TMEM70: variants seen among roughly 807,000 people sequenced by gnomAD.
TMEM70 encodes transmembrane protein 70, mitochondrial.
Under a neutral mutation model 20.5 loss-of-function variants are expected in TMEM70, and 15 were observed. The observed-to-expected ratio is 0.73, with a 90% CI of 0.49 to 1.13. The LOEUF is 1.13. TMEM70 is among the 50% of genes most tolerant of loss of function. TMEM70 has a pLI of 0.00. For missense variants in TMEM70, 344 were observed against 331.7 expected (o/e 1.04, Z -0.29); for synonymous variants, 141 against 134.2 (o/e 1.05, Z -0.35).
chr8:73,976,668 G>A (rs2131231443), intron 1 of TMEM70, among the ~76,000 whole-genome samples, 177 bp downstream of exon 1: 1 of 152,256 alleles, frequency 6.6e-6, no homozygotes, highest in East Asian at 1.9e-4. Flanking sequence ...GGGGTCCTCA[G>A]CCTCCGCGAG....
chr8:73,977,218 G>A (rs149995212), intron 1 of TMEM70, among the ~76,000 whole-genome samples: 1 of 152,082 alleles, frequency 6.6e-6, no homozygotes, highest in African/African-American at 2.4e-5. Context: ...GTCTCGCTCT[G>A]TCACCCTGGT....
chr8:73,978,977 A>C, intron 2 of TMEM70, 116 bp downstream of exon 2: 1 of 1,320,250 alleles, frequency 7.6e-7, no homozygotes, highest in South Asian at 1.3e-5. Flanking sequence ...ACGTAAGGAA[A>C]ATTAGATTTT....
chr8:73,978,196 T>C (rs7010599), intron 1 of TMEM70, among the ~76,000 whole-genome samples: 35,487 of 151,484 alleles, frequency 0.23, 4,978 homozygotes, highest in African/African-American at 0.37. Context: ...AAGCGATTCT[T>C]CTGCCTCAGC....
chr8:73,976,998 T>G lies in TMEM70; in HGVS notation c.210+507T>G, dbSNP rs546869346. On this transcript the variant is annotated intron_variant, in intron 1 of 2. Transcript: ENST00000312184. ...ATTCTACTCTGTAAAATATCAGGAT[T>G]GGCAAACCTGGTTAAAACTTGGAAG... Among the ~76,000 whole-genome samples the G allele has an allele frequency of 7.9e-5, 12 of 152,352 alleles. 1 individual carries two copies. Among genetic ancestry groups the G allele is most frequent in the African/African-American group, 2.9e-4 (12 of 41,584 alleles).
intron 1 of TMEM70, among the ~76,000 whole-genome samples, chr8:73,977,214 C>T (rs1445972720): frequency 6.6e-6 from 1 of 152,078 alleles, no homozygotes; most frequent in Non-Finnish European, 1.5e-5. Flanking sequence ...TGAAGTCTCG[C>T]TCTGTCACCC....
Position 73,981,696 on chromosome 8 carries a change from C to T in TMEM70, c.*75C>T, listed in dbSNP as rs184496091. On this transcript the variant is annotated 3_prime_UTR_variant, in exon 3 of 3. Transcript: ENST00000312184. ...AATAATAAAATTGCCTTTTGCATTC[C>T]GTTAGTGACTGATTGTTAAAAATAA... is the stretch of plus-strand genomic sequence containing the variant. 2.0e-5 allele frequency: 19 copies of T among 949,290 alleles called. No homozygotes were observed. Among genetic ancestry groups the T allele is most frequent in the Middle Eastern group, 6.0e-4 (2 of 3,344 alleles). 58.8% of individuals were successfully genotyped at this position (949,290 alleles called of 1,614,324 possible). A position where few individuals can be genotyped will look rare whatever the true frequency, so the allele number is the denominator to read the frequency against.
rs35564486 is a variant in TMEM70 at position 73,981,522 on chromosome 8, C to G, written c.684C>G (p.Asn228Lys). ...SLLVNPVLFP[N>K]REDYIHLMGY... ...TAGTTAATCCAGTGCTCTTTCCAAA[C>G]CGTGAAGACTATATCCATCTAATGG... The change falls in exon 3 of 3, where the codon AAC becomes AAG. Residue 228 changes from asparagine (N) to lysine (K), a missense_variant. Physicochemically the swap from Asn to Lys is moderately conservative, Grantham distance 94. Coordinates refer to ENST00000312184, the MANE Select transcript of TMEM70 (RefSeq NM_017866.6). The G allele has an allele frequency of 1.1e-3, 1,698 of 1,613,790 alleles. 10 individuals carry two copies. The African/African-American group carries it at 0.016, about 15-fold the overall frequency.
Position 73,979,069 on chromosome 8 carries a change from T to A in TMEM70, c.316+208T>A, listed in dbSNP as rs1307872420. ...TTTTATTTGAGACAGAGTCTCACTCTGTTGTCCAGGCTGGAGTGCAGTGGC... is the reference window on the plus strand; with the variant it reads ...TTTTATTTGAGACAGAGTCTCACTCAGTTGTCCAGGCTGGAGTGCAGTGGC... On this transcript the variant is annotated intron_variant, in intron 2 of 2. Coordinates refer to ENST00000312184, the MANE Select transcript of TMEM70 (RefSeq NM_017866.6). The A allele has an allele frequency of 4.4e-6, 3 of 680,314 alleles. No individual in the cohort carries two copies. In the East Asian group the frequency reaches 9.2e-5, roughly 21 times the overall value. The allele number at this position is 680,314 out of a possible 1,614,324, so 42.1% of individuals were successfully genotyped here.
rs765584326 is a variant in TMEM70, at chr8:73,982,366, A to T, written c.*745A>T. 5.6e-6 allele frequency: 4 copies of T among 720,246 alleles called. No individual in the cohort carries two copies. Among genetic ancestry groups the T allele is most frequent in the African/African-American group, 1.7e-5 (1 of 58,408 alleles). The allele number at this position is 720,246 out of a possible 1,614,324, so 44.6% of individuals were successfully genotyped here. A position where few individuals can be genotyped will look rare whatever the true frequency, so the allele number is the denominator to read the frequency against. ...AGGCATGGGATCGTTTCCAGATGAG[A>T]ATCCACAAGCGACTCATTGACTTGC... On this transcript the variant is annotated 3_prime_UTR_variant, in exon 3 of 3. Coordinates refer to ENST00000312184, the MANE Select transcript of TMEM70 (RefSeq NM_017866.6).
intron 1 of TMEM70, among the ~76,000 whole-genome samples, chr8:73,978,241 A>G (rs1047394939): frequency 6.6e-6 from 1 of 151,446 alleles, no homozygotes; most frequent in Non-Finnish European, 1.5e-5. Context: ...GCCAGACACC[A>G]TGCCCGGCTA....
chr8:73,978,352 G>A (rs1815704466), intron 1 of TMEM70, among the ~76,000 whole-genome samples: 1 of 149,828 alleles, frequency 6.7e-6, no homozygotes, highest in African/African-American at 2.4e-5. Context: ...CTCCCAAAGT[G>A]CTGGGATTAC....
rs200386494 is a variant in TMEM70, at chr8:73,976,243, G to A, written c.-39G>A. On this transcript the variant is annotated 5_prime_UTR_variant, in exon 1 of 3. It adds an upstream start codon to the 5' untranslated region. Transcript: ENST00000312184. ...AGCCGTGTCTCGCAGTCGTGGACTC[G>A]TGCAGCTGGGGCGTCCGCAGCCGCT... 1.3e-6 allele frequency: 2 copies of A among 1,569,436 alleles called. No individual in the cohort carries two copies. The highest frequency in any genetic ancestry group is 1.7e-6 in the Non-Finnish European group (2 of 1,158,464).
intron 1 of TMEM70, among the ~76,000 whole-genome samples, chr8:73,976,794 A>T (rs1815662585): frequency 6.6e-6 from 1 of 152,212 alleles, no homozygotes; most frequent in South Asian, 2.1e-4. Context: ...TAGAAGTGTT[A>T]ATTTGCAAAA....
chr8:73,976,720 C>G (rs1279785640), intron 1 of TMEM70, among the ~76,000 whole-genome samples: 1 of 152,190 alleles, frequency 6.6e-6, no homozygotes, highest in Non-Finnish European at 1.5e-5. Flanking sequence ...TATGGTAGTT[C>G]CAAATCCAGA....
At chr8:73,979,209 A>G (rs553106569) in intron 2 of TMEM70, 158 of 380,256 alleles carry the variant, frequency 4.2e-4, no homozygotes, top group Non-Finnish European at 7.0e-4. Context: ...TTGTATTTTT[A>G]GTAGAGACAG....
rs760409689 is a variant in TMEM70 at position 73,976,244 on chromosome 8, T to C, written c.-38T>C. 1.9e-6 allele frequency: 3 copies of C among 1,575,312 alleles called. No individual in the cohort carries two copies. The highest frequency in any genetic ancestry group is 2.7e-5 in the African/African-American group (2 of 74,576). On this transcript the variant is annotated 5_prime_UTR_variant, in exon 1 of 3. Coordinates refer to ENST00000312184, the MANE Select transcript of TMEM70 (RefSeq NM_017866.6). ...GCCGTGTCTCGCAGTCGTGGACTCG[T>C]GCAGCTGGGGCGTCCGCAGCCGCTC...
Position 73,982,351 on chromosome 8 carries a change from T to G in TMEM70, c.*730T>G. 1 of 712,924 alleles carries G rather than the reference T, an allele frequency of 1.4e-6. No individual in the cohort carries two copies. The highest frequency in any genetic ancestry group is 2.5e-6 in the Non-Finnish European group (1 of 396,962). 44.2% of individuals were successfully genotyped at this position (712,924 alleles called of 1,614,324 possible). A position where few individuals can be genotyped will look rare whatever the true frequency, so the allele number is the denominator to read the frequency against. Reference sequence around the variant, plus strand: ...ACGGTGAAGGTTCTAAGGCATGGGATCGTTTCCAGATGAGAATCCACAAGC... The same window carrying G: ...ACGGTGAAGGTTCTAAGGCATGGGAGCGTTTCCAGATGAGAATCCACAAGC... On this transcript the variant is annotated 3_prime_UTR_variant, in exon 3 of 3. Coordinates refer to ENST00000312184, the MANE Select transcript of TMEM70 (RefSeq NM_017866.6).
intron 2 of TMEM70, among the ~76,000 whole-genome samples, chr8:73,980,729 G>A (rs1459258069): frequency 6.6e-6 from 1 of 152,088 alleles, no homozygotes; most frequent in Non-Finnish European, 1.5e-5. Flanking sequence ...TTAATCCTGG[G>A]CACTTAGCCT....
Position 73,976,463 on chromosome 8 carries a change from G to A in TMEM70, c.182G>A (p.Arg61His). 6.5e-7 allele frequency: 1 copy of A among 1,546,536 alleles called. No homozygotes were observed. The highest frequency in any genetic ancestry group is 8.7e-7 in the Non-Finnish European group (1 of 1,152,518). ...AGTACGGGGCCTTCGGGAGCCGCGC[G>A]CCTTCTCCGGCGTCCGGGTCGAGCG... Reference protein sequence around the residue: ...GWSTGPSGAARLLRRPGRAQI... With the variant: ...GWSTGPSGAAHLLRRPGRAQI... The change falls in exon 1 of 3, where the codon CGC becomes CAC. Residue 61 changes from arginine (R) to histidine (H), a missense_variant. Arg to His is a conservative substitution (Grantham distance 29). Coordinates refer to ENST00000312184, the MANE Select transcript of TMEM70 (RefSeq NM_017866.6).
Sources: allele counts gnomAD v4.1 joint callset (sites outside exome capture counted in the v4.1 genomes callset), GRCh38; gene constraint gnomAD v4.1.1; transcripts MANE v1.5; gene names NCBI Gene and HGNC (gene_info 2026-07-23, HGNC 2026-07-21).